Variants in TULP4 observed in about 807,000 individuals in gnomAD.
The protein encoded by TULP4 is tubby-related protein 4.
A neutral mutation model predicts 129.0 loss-of-function variants in TULP4; 16 were observed. The observed-to-expected ratio is 0.12, with a 90% CI of 0.08 to 0.19. The LOEUF (loss-of-function observed/expected upper bound fraction) is 0.19, where lower values mean the gene tolerates loss of function less well. TULP4 is among the 10% of genes least tolerant of loss of function. The pLI is 1.00. For missense variants in TULP4, 1,842 were observed against 2,059.1 expected (o/e 0.89, Z 2.04); for synonymous variants, 998 against 854.0 (o/e 1.17, Z -2.94).
chr6:158,241,231 C>A (rs1417340589), intron 1 of TULP4, among the ~76,000 whole-genome samples: 6 of 126,426 alleles, frequency 4.7e-5, no homozygotes, highest in African/African-American at 1.6e-4. Flanking sequence ...GATGGGATGG[C>A]GGCCGGGCGG....
intron 1 of TULP4, among the ~76,000 whole-genome samples, chr6:158,352,642 G>A (rs1278799113): frequency 6.6e-6 from 1 of 152,164 alleles, no homozygotes; most frequent in Non-Finnish European, 1.5e-5. Context: ...TGATCCACCC[G>A]TCTTGGCCTC....
intron 5 of TULP4, among the ~76,000 whole-genome samples, chr6:158,454,318 A>G (rs760460214): frequency 2.6e-5 from 4 of 152,192 alleles, no homozygotes; most frequent in Non-Finnish European, 5.9e-5. Context: ...AGGATGATCA[A>G]CATTAATTCC....
At chr6:158,366,920 A>G (rs1220919659) in intron 1 of TULP4, among the ~76,000 whole-genome samples, 1 of 152,182 alleles carries the variant, frequency 6.6e-6, no homozygotes, top group Non-Finnish European at 1.5e-5. Flanking sequence ...TCCTGTCCTT[A>G]TGCGTCTGGG....
At chr6:158,482,014 T>C (rs1314786129) in intron 8 of TULP4, among the ~76,000 whole-genome samples, 1 of 152,180 alleles carries the variant, frequency 6.6e-6, no homozygotes, top group East Asian at 1.9e-4. Context: ...ACTTTGCCCA[T>C]CACCTATGGC....
At chr6:158,239,030 G>A (rs1449828728) in intron 1 of TULP4, among the ~76,000 whole-genome samples, 9 of 140,836 alleles carry the variant, frequency 6.4e-5, no homozygotes, top group East Asian at 4.5e-4. Flanking sequence ...CTCACCTCCC[G>A]GACGAGGCGG....
chr6:158,499,448 A>ATG (rs1780399049), intron 12 of TULP4, among the ~76,000 whole-genome samples: 1 of 152,230 alleles, frequency 6.6e-6, no homozygotes, highest in Non-Finnish European at 1.5e-5. Flanking sequence ...TCTTAAGTTA[A>ATG]TGTGTTTCCC....
At chr6:158,332,156 A>T (rs1779910814) in intron 1 of TULP4, among the ~76,000 whole-genome samples, 1 of 136,022 alleles carries the variant, frequency 7.4e-6, no homozygotes, top group Admixed American at 8.0e-5. Context: ...TGGTCGACAG[A>T]GTAAGACTCT....
chr6:158,411,518 T>G (rs908755286), intron 1 of TULP4, among the ~76,000 whole-genome samples: 25 of 152,300 alleles, frequency 1.6e-4, no homozygotes, highest in Admixed American at 1.6e-3. Context: ...TCTCAAAAGA[T>G]TGCAACCTCA....
intron 11 of TULP4, 149 bp downstream of exon 11, chr6:158,494,995 AGT>A: frequency 1.6e-6 from 1 of 609,002 alleles, no homozygotes; most frequent in South Asian, 2.7e-5. Context: ...ACTTCACCAC[AGT>A]GATTTCACAA....
At chr6:158,311,286 C>T (rs1361962920), upstream of TULP4, among the ~76,000 whole-genome samples, 3 of 152,136 alleles carry the variant, frequency 2.0e-5, no homozygotes, top group South Asian at 2.1e-4. Flanking sequence ...GGCTGGGCCG[C>T]TTCAGCTGCC....
rs147172242 is a variant in TULP4, at chr6:158,268,697, A to C, written n.68+36394A>C. 3.9e-3 allele frequency among the ~76,000 whole-genome samples: 594 copies of C among 152,128 alleles called. 7 individuals are homozygous for C. Among genetic ancestry groups the C allele is most frequent in the African/African-American group, 0.014 (569 of 41,478 alleles). On this transcript the variant is annotated intron_variant and non_coding_transcript_variant, in intron 1 of 1. Transcript: ENST00000620026. ...CAATTACATTTTCCTATTTTACTGAACTCTTAATTGTTCTGATTTCATTTG... is the reference window on the plus strand; with the variant it reads ...CAATTACATTTTCCTATTTTACTGACCTCTTAATTGTTCTGATTTCATTTG...
In TULP4 at chr6:158,300,167, A is replaced by T. The variant is rs1384677271; in HGVS notation, n.117-11884A>T. Among the ~76,000 whole-genome samples the T allele has an allele frequency of 3.9e-5, 6 of 152,292 alleles. No individual in the cohort carries two copies. The East Asian group carries it at 1.2e-3, about 29-fold the overall frequency. ...GTTTTTATTGTCAGTATTCACACGA[A>T]GTTTAAGTCTCCTAGTGGGCACCCA... On this transcript the variant is annotated intron_variant and non_coding_transcript_variant, in intron 1 of 1. Coordinates refer to the TULP4 transcript ENST00000432358.
chr6:158,409,861 T>C (rs1778053605), intron 1 of TULP4, among the ~76,000 whole-genome samples: 1 of 145,138 alleles, frequency 6.9e-6, no homozygotes, highest in South Asian at 2.2e-4. Flanking sequence ...ATTAAGAATC[T>C]TTTTTTTTTT....
intron 3 of TULP4, among the ~76,000 whole-genome samples, chr6:158,436,172 G>A (rs1778748533): frequency 6.6e-6 from 1 of 152,142 alleles, no homozygotes; most frequent in Non-Finnish European, 1.5e-5. Context: ...CTCCTAAAGT[G>A]CTGGGACTAC....
intron 1 of TULP4, among the ~76,000 whole-genome samples, chr6:158,303,718 G>C (rs1891354): frequency 0.93 from 141,882 of 152,278 alleles, 66,182 homozygotes; most frequent in Admixed American, 0.95. Context: ...ACAATGTGTT[G>C]TGGTGCACAC....
chr6:158,266,388 C>G (rs1279559126), intron 1 of TULP4, among the ~76,000 whole-genome samples: 2 of 152,310 alleles, frequency 1.3e-5, no homozygotes, highest in East Asian at 1.9e-4. Context: ...TTCCCAGTAG[C>G]TGGGACTACA....
At chr6:158,475,534 G>A (rs1779798533) in intron 6 of TULP4, among the ~76,000 whole-genome samples, 1 of 152,230 alleles carries the variant, frequency 6.6e-6, no homozygotes, top group African/African-American at 2.4e-5. Flanking sequence ...TTCCCTAGCA[G>A]ACAGCAGCTG....
intron 1 of TULP4, among the ~76,000 whole-genome samples, chr6:158,333,911 A>G (rs981398690): frequency 2.0e-5 from 3 of 152,238 alleles, no homozygotes; most frequent in African/African-American, 7.2e-5. Context: ...ATAAAGATGT[A>G]GTAGTATTAA....
intron 1 of TULP4, among the ~76,000 whole-genome samples, chr6:158,240,150 C>T (rs1457153930): frequency 3.7e-4 from 20 of 54,390 alleles, no homozygotes; most frequent in Non-Finnish European, 7.0e-4. Flanking sequence ...CCAGACGGGG[C>T]GGCTGGCCGG....
Sources: gnomAD v4.1 joint callset for allele counts (sites outside exome capture counted in the v4.1 genomes callset) on GRCh38, gnomAD v4.1.1 for gene constraint, MANE v1.5 for transcripts, NCBI Gene and HGNC (gene_info 2026-07-23, HGNC 2026-07-21) for gene names.